Variants in RBMS3 observed in about 807,000 individuals in gnomAD.
RBMS3 encodes the protein RNA-binding motif, single-stranded-interacting protein 3.
RBMS3 carries 27 observed loss-of-function variants against 66.8 expected under a neutral mutation model. The observed-to-expected ratio is 0.40, with a 90% CI of 0.30 to 0.56. The LOEUF (loss-of-function observed/expected upper bound fraction) is 0.56. RBMS3 is among the 20% of genes least tolerant of loss of function. RBMS3 has a pLI of 0.40. For synonymous variants in RBMS3, 188 were observed against 183.0 expected (o/e 1.03, Z -0.22); for missense variants, 513 against 549.5 (o/e 0.93, Z 0.66).
chr3:29,962,324 T>C (rs1696523096), intron 12 of RBMS3, among the ~76,000 whole-genome samples: 1 of 151,706 alleles, frequency 6.6e-6, no homozygotes, highest in Non-Finnish European at 1.5e-5. Flanking sequence ...ATAGTATGTG[T>C]ATCCGCTATG....
At chr3:29,988,315 G>T (rs879419794) in intron 13 of RBMS3, 92 bp downstream of exon 13, 2 of 1,045,344 alleles carry the variant, frequency 1.9e-6, no homozygotes, top group Admixed American at 2.2e-5. Flanking sequence ...ATCCTCACTT[G>T]CAATTTTTGT....
At chr3:29,718,136 T>A (rs996620157) in intron 4 of RBMS3, among the ~76,000 whole-genome samples, 1 of 152,098 alleles carries the variant, frequency 6.6e-6, no homozygotes, top group African/African-American at 2.4e-5. Flanking sequence ...TTTAAGTTTA[T>A]GAAAATATAA....
intron 12 of RBMS3, among the ~76,000 whole-genome samples, chr3:29,977,863 T>A (rs1029363786): frequency 1.1e-4 from 16 of 151,778 alleles, no homozygotes; most frequent in Admixed American, 5.3e-4. Flanking sequence ...CTTGTGTTCA[T>A]GAAATAATTA....
intron 1 of RBMS3, among the ~76,000 whole-genome samples, chr3:29,300,162 G>A (rs2033574290): frequency 6.6e-6 from 1 of 151,934 alleles, no homozygotes; most frequent in African/African-American, 2.4e-5. Flanking sequence ...CTAACAACCA[G>A]AGTAGACGGA....
chr3:29,685,313 G>C (rs570007707), intron 4 of RBMS3, among the ~76,000 whole-genome samples: 1 of 152,028 alleles, frequency 6.6e-6, no homozygotes, highest in Non-Finnish European at 1.5e-5. Context: ...CGCCCGCCTC[G>C]ACCTCCCAAA....
At position 29,995,415 on chromosome 3, in the gene RBMS3, G is replaced by A. The variant is rs557286192; in HGVS notation, c.1307+4206G>A. On this transcript the variant is annotated intron_variant, in intron 14 of 14. Coordinates refer to ENST00000383767, the MANE Select transcript of RBMS3 (RefSeq NM_001003793.3). ...TTCAGATTCAGGAAATACAGAGAACGCCACAAAGATACTCCTCGAGAAGAG... is the reference window on the plus strand; with the variant it reads ...TTCAGATTCAGGAAATACAGAGAACACCACAAAGATACTCCTCGAGAAGAG... Among the ~76,000 whole-genome samples, 27 of 152,030 alleles carry A rather than the reference G, an allele frequency of 1.8e-4. No homozygotes were observed. The South Asian group carries it at 2.1e-3, about 12-fold the overall frequency.
rs201267769 is a variant in RBMS3 at position 29,747,351 on chromosome 3, C to CATCT, written c.557+7496_557+7499dup. On this transcript the variant is annotated intron_variant, in intron 5 of 14. Coordinates refer to ENST00000383767, the MANE Select transcript of RBMS3 (RefSeq NM_001003793.3). ...AAACTCTCTGAGCCTCTTTTCCTGA[C>CATCT]ATCTATCTATCTATCTATCTATCTA... Among the ~76,000 whole-genome samples the CATCT allele has an allele frequency of 1.7e-3, 262 of 150,948 alleles. 2 individuals carry two copies. Among genetic ancestry groups the CATCT allele is most frequent in the African/African-American group, 4.8e-3 (195 of 41,026 alleles).
chr3:29,582,944 T>C (rs375768654), intron 3 of RBMS3, among the ~76,000 whole-genome samples: 2 of 152,166 alleles, frequency 1.3e-5, no homozygotes, highest in Non-Finnish European at 2.9e-5. Flanking sequence ...AAAGTGTGTA[T>C]ATATGAAAAA....
intron 9 of RBMS3, among the ~76,000 whole-genome samples, chr3:29,899,026 A>T (rs1037833162): frequency 5.3e-5 from 8 of 151,468 alleles, no homozygotes; most frequent in Non-Finnish European, 1.2e-4. Flanking sequence ...GTGAGTATAT[A>T]AAAAAAATCT....
rs538967940 is a variant in RBMS3, at chr3:29,780,643, C to T, written c.637+17654C>T. ...GAATATTTTCCCAAAAACCAGTATC[C>T]TATCTGCACTTAAAAATTAATCTAT... On this transcript the variant is annotated intron_variant, in intron 6 of 14. Transcript: ENST00000383767. Among the ~76,000 whole-genome samples the T allele has an allele frequency of 8.5e-5, 13 of 152,194 alleles. No individual in the cohort carries two copies. The South Asian group carries it at 2.7e-3, about 32-fold the overall frequency.
chr3:29,357,450 G>A (rs2037293686), intron 1 of RBMS3, among the ~76,000 whole-genome samples: 1 of 152,112 alleles, frequency 6.6e-6, no homozygotes, highest in Non-Finnish European at 1.5e-5. Context: ...GTCTATCATT[G>A]GTGGACATTT....
chr3:29,366,212 A>G (rs2037894531), intron 1 of RBMS3, among the ~76,000 whole-genome samples: 1 of 152,210 alleles, frequency 6.6e-6, no homozygotes, highest in African/African-American at 2.4e-5. Context: ...TTGAATTGCA[A>G]ATAGGATATA....
At chr3:29,813,863 G>A (rs541686297) in intron 6 of RBMS3, among the ~76,000 whole-genome samples, 18 of 152,244 alleles carry the variant, frequency 1.2e-4, no homozygotes, top group South Asian at 4.1e-4. Flanking sequence ...TTGCTTATCC[G>A]CTTAAGGAGA....
At chr3:30,002,115 T>C (rs1699640090) in intron 14 of RBMS3, among the ~76,000 whole-genome samples, 1 of 152,002 alleles carries the variant, frequency 6.6e-6, no homozygotes, top group Non-Finnish European at 1.5e-5. Context: ...CCAAGCAAAT[T>C]ATGGGAGAGG....
intron 2 of RBMS3, among the ~76,000 whole-genome samples, chr3:29,473,847 G>A (rs111833664): frequency 0.11 from 16,839 of 152,290 alleles, 1,073 homozygotes; most frequent in Non-Finnish European, 0.14. Context: ...TGTCCCGCAA[G>A]CGCCGCGCGC....
chr3:29,957,841 A>G (rs1168051184), intron 12 of RBMS3, among the ~76,000 whole-genome samples: 2 of 152,176 alleles, frequency 1.3e-5, no homozygotes, highest in African/African-American at 2.4e-5. Context: ...ACTGGTCCCA[A>G]TGACATCGCA....
chr3:29,348,317 A>C (rs55872743), intron 1 of RBMS3, among the ~76,000 whole-genome samples: 33,845 of 152,124 alleles, frequency 0.22, 4,733 homozygotes, highest in Non-Finnish European at 0.31. Context: ...AAAATATTTC[A>C]GGCAAATTTA....
intron 14 of RBMS3, among the ~76,000 whole-genome samples, chr3:29,996,780 A>G (rs1239646703): frequency 6.6e-6 from 1 of 152,210 alleles, no homozygotes; most frequent in Non-Finnish European, 1.5e-5. Flanking sequence ...GTGTAGAGGG[A>G]AATTTATAGC....
At chr3:29,308,549 C>A (rs1270712034) in intron 1 of RBMS3, among the ~76,000 whole-genome samples, 2 of 150,940 alleles carry the variant, frequency 1.3e-5, no homozygotes, top group East Asian at 3.9e-4. Context: ...TAGGAACCTG[C>A]CAGGGCTAAA....
Sources: allele counts gnomAD v4.1 joint callset (sites outside exome capture counted in the v4.1 genomes callset), GRCh38; gene constraint gnomAD v4.1.1; transcripts MANE v1.5; gene names NCBI Gene and HGNC (gene_info 2026-07-23, HGNC 2026-07-21).